The following CNTNAP4 variants were observed in gnomAD, a reference collection of about 807,000 sequenced individuals.
CNTNAP4 encodes the protein contactin-associated protein-like 4.
A neutral mutation model predicts 148.4 loss-of-function variants in CNTNAP4; 98 were observed. The observed-to-expected ratio is 0.66, with a 90% CI of 0.56 to 0.78. The LOEUF (loss-of-function observed/expected upper bound fraction) is 0.78. Ranked by LOEUF, CNTNAP4 falls within the 30% of genes least tolerant of loss-of-function variation. CNTNAP4 has a pLI of 0.00. For missense variants in CNTNAP4, 1,935 were observed against 1,565.6 expected, an observed-to-expected ratio of 1.24 and a Z score of -3.98; for synonymous variants, 730 against 565.1, an observed-to-expected ratio of 1.29 and a Z score of -4.14.
intron 15 of CNTNAP4, among the ~76,000 whole-genome samples, chr16:76,514,204 C>T (rs1428396126): frequency 1.3e-5 from 2 of 152,232 alleles, no homozygotes; most frequent in African/African-American, 2.4e-5. Context: ...CTCTGACCTT[C>T]GTAGGAATGA....
At chr16:76,352,243 A>G (rs2011900143) in intron 2 of CNTNAP4, among the ~76,000 whole-genome samples, 1 of 152,222 alleles carries the variant, frequency 6.6e-6, no homozygotes, top group African/African-American at 2.4e-5. Context: ...TTCAATTTCT[A>G]AAGTTTTGAC....
chr16:76,455,626 C>G (rs1329003553), intron 8 of CNTNAP4, among the ~76,000 whole-genome samples: 1 of 152,220 alleles, frequency 6.6e-6, no homozygotes, highest in African/African-American at 2.4e-5. Flanking sequence ...ATCTGGTAAT[C>G]TGAATCCTTA....
At chr16:76,392,371 A>G (rs1351993624) in intron 3 of CNTNAP4, among the ~76,000 whole-genome samples, 1 of 152,214 alleles carries the variant, frequency 6.6e-6, no homozygotes, top group Non-Finnish European at 1.5e-5. Context: ...AAAAACCAAT[A>G]TGAACTCCCA....
chr16:76,427,307 A>C (rs550532605), intron 3 of CNTNAP4, 145 bp from the exon 4 acceptor site: 1 of 582,470 alleles, frequency 1.7e-6, no homozygotes, highest in African/African-American at 2.1e-5. Context: ...ACATCATGAC[A>C]TAACTGTTAA....
chr16:76,451,635 A>C (rs148232710), intron 7 of CNTNAP4, among the ~76,000 whole-genome samples: 1 of 42,342 alleles, frequency 2.4e-5, no homozygotes. Context: ...GTGTGTGTGT[A>C]TTTTATCCAT....
At chr16:76,482,434 T>C (rs945280810) in intron 12 of CNTNAP4, among the ~76,000 whole-genome samples, 7 of 147,778 alleles carry the variant, frequency 4.7e-5, no homozygotes, top group African/African-American at 1.5e-4. Flanking sequence ...TTTACACAAT[T>C]TTTTTTTTTT....
At chr16:76,337,698 C>T (rs1280913079) in intron 2 of CNTNAP4, among the ~76,000 whole-genome samples, 1 of 152,172 alleles carries the variant, frequency 6.6e-6, no homozygotes, top group Non-Finnish European at 1.5e-5. Flanking sequence ...CCTGAGGGTA[C>T]TGCAGGAGAC....
intron 12 of CNTNAP4, among the ~76,000 whole-genome samples, chr16:76,483,182 T>G (rs73621052): frequency 0.018 from 2,663 of 149,792 alleles, 66 homozygotes; most frequent in African/African-American, 0.061. Context: ...CATTCTGAAA[T>G]TAGACAGCGA....
In CNTNAP4 at chr16:76,360,331, G is replaced by A. The variant is rs909289043; in HGVS notation, c.390+4820G>A. Among the ~76,000 whole-genome samples, 5 of 152,174 alleles carry A rather than the reference G, an allele frequency of 3.3e-5. 1 individual carries two copies. Among genetic ancestry groups the A allele is most frequent in the African/African-American group, 1.2e-4 (5 of 41,446 alleles). On this transcript the variant is annotated intron_variant, in intron 3 of 23. Transcript: ENST00000611870. Reference sequence around the variant, plus strand: ...TCAACTCTGTAAGCCAGACAGGGTAGAAACACTACCTGCAAAGATTTCCAC... The same window carrying A: ...TCAACTCTGTAAGCCAGACAGGGTAAAAACACTACCTGCAAAGATTTCCAC...
At chr16:76,349,773 T>C (rs574466621) in intron 2 of CNTNAP4, among the ~76,000 whole-genome samples, 1 of 152,290 alleles carries the variant, frequency 6.6e-6, no homozygotes. Flanking sequence ...ACTTGTGTTT[T>C]GTGTCCTTGA....
intron 2 of CNTNAP4, among the ~76,000 whole-genome samples, chr16:76,318,302 C>T (rs766327063): frequency 2.0e-5 from 3 of 152,076 alleles, no homozygotes; most frequent in Non-Finnish European, 4.4e-5. Flanking sequence ...TCTTGATTTC[C>T]TTTGTTGAGG....
intron 3 of CNTNAP4, among the ~76,000 whole-genome samples, chr16:76,402,643 T>C (rs79895736): frequency 0.041 from 6,294 of 152,244 alleles, 458 homozygotes; most frequent in African/African-American, 0.15. Flanking sequence ...TCAGTTGTGA[T>C]GTTAGGTTGT....
At chr16:76,441,950 G>A (rs1486148431) in intron 4 of CNTNAP4, among the ~76,000 whole-genome samples, 2 of 152,060 alleles carry the variant, frequency 1.3e-5, no homozygotes, top group Admixed American at 6.6e-5. Context: ...GGGACAAAGA[G>A]GTTAAGTAAC....
At chr16:76,368,403 T>C (rs184983048) in intron 3 of CNTNAP4, among the ~76,000 whole-genome samples, 72 of 152,270 alleles carry the variant, frequency 4.7e-4, no homozygotes, top group African/African-American at 1.6e-3. Context: ...CTATTCACAA[T>C]AGCAAAGACT....
At chr16:76,558,163 C>G in intron 23 of CNTNAP4, 1 of 185,474 alleles carries the variant, frequency 5.4e-6, no homozygotes, top group Non-Finnish European at 1.1e-5. Context: ...ATAATTAAAA[C>G]TAATATGAAG....
chr16:76,486,008 A>C (rs1277241392), intron 12 of CNTNAP4, among the ~76,000 whole-genome samples: 1 of 152,228 alleles, frequency 6.6e-6, no homozygotes, highest in African/African-American at 2.4e-5. Flanking sequence ...GTATTGCTTA[A>C]ACAGCATGTT....
At chr16:76,383,192 TC>T (rs1293601269) in intron 3 of CNTNAP4, among the ~76,000 whole-genome samples, 1 of 151,688 alleles carries the variant, frequency 6.6e-6, no homozygotes, top group African/African-American at 2.4e-5. Flanking sequence ...TTGGAAGCAC[TC>T]CAGGTCAGCA....
At position 76,285,767 on chromosome 16, in the gene CNTNAP4, T is replaced by A. The variant is rs567096460; in HGVS notation, c.85+8020T>A. On this transcript the variant is annotated intron_variant, in intron 1 of 23. Transcript: ENST00000611870. Reference sequence around the variant, plus strand: ...CTGCAATTATGACCTACGGAAGTATTTTTTTCAATGTCCTTTGAATAAGGA... The same window carrying A: ...CTGCAATTATGACCTACGGAAGTATATTTTTCAATGTCCTTTGAATAAGGA... 2.3e-3 allele frequency among the ~76,000 whole-genome samples: 351 copies of A among 152,216 alleles called. 2 individuals are homozygous for A. In the South Asian group the frequency reaches 0.026, roughly 11 times the overall value.
intron 2 of CNTNAP4, among the ~76,000 whole-genome samples, chr16:76,338,498 G>C (rs557207677): frequency 1.3e-5 from 2 of 151,970 alleles, no homozygotes; most frequent in Non-Finnish European, 2.9e-5. Context: ...CTTCACTGTG[G>C]CCTTCCAGTG....
Sources: gnomAD v4.1 joint callset for allele counts (sites outside exome capture counted in the v4.1 genomes callset) on GRCh38, gnomAD v4.1.1 for gene constraint, MANE v1.5 for transcripts, NCBI Gene and HGNC (gene_info 2026-07-23, HGNC 2026-07-21) for gene names.